Variants in DCLK1 observed in about 807,000 individuals in gnomAD.
DCLK1 encodes the protein doublecortin like kinase 1.
Under a neutral mutation model 86.2 loss-of-function variants are expected in DCLK1, and 16 were observed. The ratio of observed to expected loss-of-function variants is 0.19; its 90% CI spans 0.13 to 0.28. DCLK1 has a LOEUF of 0.28. Among genes scored for constraint, DCLK1 ranks in the 10% least tolerant of loss-of-function variants. DCLK1 has a pLI of 1.00. For missense variants in DCLK1, 590 were observed against 940.2 expected (o/e 0.63, Z 4.87); for synonymous variants, 369 against 370.5 (o/e 1.00, Z 0.05).
At chr13:35,884,557 A>C (rs578037280) in intron 4 of DCLK1, among the ~76,000 whole-genome samples, 5 of 152,336 alleles carry the variant, frequency 3.3e-5, no homozygotes, top group African/African-American at 1.2e-4. Context: ...ACAACAATAA[A>C]AAGAGCATAA....
chr13:36,086,013 C>T (rs1884584034), intron 3 of DCLK1, among the ~76,000 whole-genome samples: 1 of 152,206 alleles, frequency 6.6e-6, no homozygotes, highest in East Asian at 1.9e-4. Context: ...CAAACCAAAT[C>T]TTGTGGCACT....
At chr13:36,096,116 C>CT (rs1885012765) in intron 3 of DCLK1, among the ~76,000 whole-genome samples, 1 of 152,136 alleles carries the variant, frequency 6.6e-6, no homozygotes, top group Admixed American at 6.5e-5. Flanking sequence ...ACCAAAACCC[C>CT]TTTGGTTCTT....
At chr13:36,056,474 G>C (rs1331494291) in intron 3 of DCLK1, among the ~76,000 whole-genome samples, 3 of 105,394 alleles carry the variant, frequency 2.8e-5, no homozygotes, top group Non-Finnish European at 5.7e-5. Context: ...GGTGGGGAGG[G>C]GGGAGGGGGG....
At chr13:36,042,017 T>C (rs1319130286) in intron 3 of DCLK1, among the ~76,000 whole-genome samples, 3 of 152,154 alleles carry the variant, frequency 2.0e-5, no homozygotes, top group Non-Finnish European at 4.4e-5. Context: ...CTCCCATTAC[T>C]AGAACAATTC....
At chr13:35,920,956 A>C (rs114861088) in intron 4 of DCLK1, among the ~76,000 whole-genome samples, 69 of 152,036 alleles carry the variant, frequency 4.5e-4, no homozygotes, top group African/African-American at 1.7e-3. Flanking sequence ...ATGTTTCCTA[A>C]TTCTGTCCAC....
rs1870465613 is a variant in DCLK1, at chr13:35,849,663, G to A, written c.1035+4836C>T. The A allele has an allele frequency of 7.1e-6, 7 of 983,790 alleles. No individual in the cohort carries two copies. In the South Asian group the frequency reaches 2.4e-4, roughly 33 times the overall value. The allele number at this position is 983,790 out of a possible 1,614,324, so 60.9% of individuals were successfully genotyped here. A position where few individuals can be genotyped will look rare whatever the true frequency, so the allele number is the denominator to read the frequency against. ...TTAGTAGGTTAATGTTTAACAATGG[G>A]TTATAATCATAGACTTAATTGGTTT... On this transcript the variant is annotated intron_variant, in intron 6 of 16. Transcript: ENST00000360631.
chr13:35,866,310 C>T (rs184366682), intron 5 of DCLK1, among the ~76,000 whole-genome samples: 48 of 152,148 alleles, frequency 3.2e-4, no homozygotes, highest in Middle Eastern at 3.4e-3. Flanking sequence ...CAGCATAGCC[C>T]GAAAATTGTG....
intron 11 of DCLK1, among the ~76,000 whole-genome samples, chr13:35,815,956 C>T (rs2087255485): frequency 6.6e-6 from 1 of 152,054 alleles, no homozygotes; most frequent in African/African-American, 2.4e-5. Flanking sequence ...AATTGCTCTT[C>T]AATATTACAC....
At chr13:36,115,392 C>T (rs1885749334) in intron 2 of DCLK1, among the ~76,000 whole-genome samples, 1 of 152,050 alleles carries the variant, frequency 6.6e-6, no homozygotes, top group African/African-American at 2.4e-5. Flanking sequence ...CCAAAATTTG[C>T]TTTGGAAGCT....
chr13:36,045,878 A>G (rs1882896663), intron 3 of DCLK1, among the ~76,000 whole-genome samples: 1 of 151,998 alleles, frequency 6.6e-6, no homozygotes, highest in Admixed American at 6.6e-5. Flanking sequence ...AGTTCCTCAG[A>G]GCCAAGTTCA....
chr13:36,126,935 A>G (rs56154793), intron 1 of DCLK1, among the ~76,000 whole-genome samples: 29,016 of 152,230 alleles, frequency 0.19, 3,076 homozygotes, highest in South Asian at 0.24. Flanking sequence ...AAATGCTTGT[A>G]CCAGCAACTC....
At chr13:35,856,851 A>G (rs1871091372) in intron 5 of DCLK1, among the ~76,000 whole-genome samples, 1 of 152,176 alleles carries the variant, frequency 6.6e-6, no homozygotes, top group South Asian at 2.1e-4. Context: ...ATAACTCTAT[A>G]AGATTGGCAG....
intron 5 of DCLK1, among the ~76,000 whole-genome samples, chr13:35,868,246 C>T (rs190791011): frequency 2.7e-4 from 41 of 152,238 alleles, no homozygotes; most frequent in Middle Eastern, 3.4e-3. Context: ...TGGTCTCGAT[C>T]TCCTGACCTC....
At chr13:35,901,653 G>C (rs543638113) in intron 4 of DCLK1, among the ~76,000 whole-genome samples, 9 of 152,066 alleles carry the variant, frequency 5.9e-5, no homozygotes, top group Admixed American at 2.0e-4. Context: ...TCTCTTACAG[G>C]CCTCCTCTCT....
At chr13:35,777,004 AC>A (rs2086435170) in intron 16 of DCLK1, among the ~76,000 whole-genome samples, 1 of 152,208 alleles carries the variant, frequency 6.6e-6, no homozygotes, top group Admixed American at 6.6e-5. Context: ...CCTTGTAAGA[AC>A]AATTATATTC....
At chr13:35,801,170 C>A (rs1196247633) in intron 15 of DCLK1, among the ~76,000 whole-genome samples, 4 of 152,218 alleles carry the variant, frequency 2.6e-5, no homozygotes, top group African/African-American at 4.8e-5. Context: ...CTTCCCCCTT[C>A]TCTCCTTTGT....
At chr13:35,963,824 C>T (rs1042974549) in intron 3 of DCLK1, among the ~76,000 whole-genome samples, 8 of 152,156 alleles carry the variant, frequency 5.3e-5, no homozygotes, top group African/African-American at 1.9e-4. Flanking sequence ...TAAGACATGC[C>T]TCTTTCCCTT....
intron 11 of DCLK1, among the ~76,000 whole-genome samples, chr13:35,818,247 A>G (rs2087314047): frequency 6.6e-6 from 1 of 152,132 alleles, no homozygotes. Flanking sequence ...CCTATCACCA[A>G]ATGGATTTAT....
intron 3 of DCLK1, among the ~76,000 whole-genome samples, chr13:35,972,785 C>G (rs1411079509): frequency 6.6e-6 from 1 of 152,106 alleles, no homozygotes. Flanking sequence ...GAGGCCCCAT[C>G]CCATAGACCA....
Sources: allele counts gnomAD v4.1 joint callset (sites outside exome capture counted in the v4.1 genomes callset), GRCh38; gene constraint gnomAD v4.1.1; transcripts MANE v1.5; gene names NCBI Gene and HGNC (gene_info 2026-07-23, HGNC 2026-07-21).